Variants in MAST2 observed in about 807,000 individuals in gnomAD.
The protein encoded by MAST2 is microtubule-associated serine/threonine-protein kinase 2.
In MAST2, 70 loss-of-function variants were observed where a neutral mutation model predicts 147.4. The ratio of observed to expected loss-of-function variants is 0.47; its 90% CI spans 0.39 to 0.58. The LOEUF (loss-of-function observed/expected upper bound fraction) is 0.58, where lower values mean the gene tolerates loss of function less well. MAST2 is among the 20% of genes least tolerant of loss of function. The pLI, the probability that MAST2 is intolerant of heterozygous loss-of-function variation, is 0.00. For synonymous variants in MAST2, 869 were observed against 896.8 expected, an observed-to-expected ratio of 0.97 and a Z score of 0.55; for missense variants, 2,080 against 2,302.3, an observed-to-expected ratio of 0.90 and a Z score of 1.98.
At chr1:45,938,600 T>G (rs1441131576) in intron 4 of MAST2, among the ~76,000 whole-genome samples, 9 of 152,260 alleles carry the variant, frequency 5.9e-5, no homozygotes, top group Non-Finnish European at 1.3e-4. Context: ...GTGCCAAGAT[T>G]ACAGGTGTCA....
chr1:45,820,893 C>CTTTTTTTTTTTTTTTTT (rs769508054), intron 1 of MAST2, among the ~76,000 whole-genome samples: 13 of 43,076 alleles, frequency 3.0e-4, no homozygotes, highest in East Asian at 6.7e-4. Flanking sequence ...CTTTCTTTCT[C>CTTTTTTTTTTTTTTTTT]TTTTTTTTTT....
intron 6 of MAST2, chr1:46,000,855 TA>T: frequency 1.3e-6 from 1 of 772,644 alleles, no homozygotes; most frequent in Non-Finnish European, 1.9e-6. Context: ...CACACATTCC[TA>T]AACAGAAGGA....
At chr1:45,838,857 A>T (rs1645184770) in intron 3 of MAST2, among the ~76,000 whole-genome samples, 1 of 152,266 alleles carries the variant, frequency 6.6e-6, no homozygotes, top group Admixed American at 6.5e-5. Flanking sequence ...TAAATTCCAG[A>T]AACCATTTTG....
At chr1:45,938,186 ATGGACATTTATATTGTTTGCAGTT>A (rs1656584920) in intron 4 of MAST2, among the ~76,000 whole-genome samples, 1 of 152,196 alleles carries the variant, frequency 6.6e-6, no homozygotes, top group Non-Finnish European at 1.5e-5. Context: ...TCACCAGTTG[ATGGACATTTATATTGTTTGCAGTT>A]TGGGAGTATC....
chr1:45,901,864 C>T (rs1332923810), intron 4 of MAST2, among the ~76,000 whole-genome samples: 1 of 152,088 alleles, frequency 6.6e-6, no homozygotes, highest in Admixed American at 6.6e-5. Flanking sequence ...TTTATTGGGT[C>T]TAGGAATCAT....
intron 3 of MAST2, among the ~76,000 whole-genome samples, chr1:45,879,519 G>T (rs1169231020): frequency 1.4e-5 from 2 of 144,064 alleles, no homozygotes; most frequent in South Asian, 4.4e-4. Flanking sequence ...GTTGCCGCAC[G>T]CCGAGATTGC....
At chr1:45,813,015 A>G (rs1644349400) in intron 1 of MAST2, among the ~76,000 whole-genome samples, 1 of 152,112 alleles carries the variant, frequency 6.6e-6, no homozygotes. Flanking sequence ...CCCCCTGCAG[A>G]TACCAAACTC....
chr1:45,895,655 G>GT lies in MAST2; in HGVS notation c.500+13267dup, dbSNP rs749792009. Among the ~76,000 whole-genome samples, 5 of 152,012 alleles carry GT rather than the reference G, an allele frequency of 3.3e-5. No homozygotes were observed. In the East Asian group the frequency reaches 5.8e-4, roughly 18 times the overall value. The stretch of plus-strand genomic sequence containing the variant: ...GACTTCCAAAACTGTTTAACAGACA[G>GT]TTTTTTTAAAAAAAGTAAAAACAAA... On this transcript the variant is annotated intron_variant, in intron 4 of 28. Coordinates refer to ENST00000361297, the MANE Select transcript of MAST2 (RefSeq NM_015112.3).
chr1:45,900,282 T>A (rs1414219023), intron 4 of MAST2, among the ~76,000 whole-genome samples: 1 of 151,936 alleles, frequency 6.6e-6, no homozygotes, highest in East Asian at 1.9e-4. Flanking sequence ...CACTATACTA[T>A]TTTCTGTAGG....
At chr1:45,865,270 C>T (rs542458304) in intron 3 of MAST2, 2 of 334,524 alleles carry the variant, frequency 6.0e-6, no homozygotes, top group East Asian at 7.4e-5. Context: ...CTAAGTTCCT[C>T]TTTATTCTTT....
chr1:45,872,907 A>G (rs1288100414), intron 3 of MAST2, among the ~76,000 whole-genome samples: 1 of 152,192 alleles, frequency 6.6e-6, no homozygotes, highest in Non-Finnish European at 1.5e-5. Flanking sequence ...TTCAGAATAT[A>G]GTTTAATATC....
At chr1:45,909,314 CTG>C (rs1274272584) in intron 4 of MAST2, among the ~76,000 whole-genome samples, 3 of 152,100 alleles carry the variant, frequency 2.0e-5, no homozygotes, top group Non-Finnish European at 4.4e-5. Flanking sequence ...TAGGCAGTGA[CTG>C]TTTTATCATT....
intron 4 of MAST2, among the ~76,000 whole-genome samples, chr1:45,940,455 ATAGAAATACATTGACTTTTGTC>A (rs2148794549): frequency 6.6e-6 from 1 of 152,248 alleles, no homozygotes. Flanking sequence ...TTGCTAGAAT[ATAGAAATACATTGACTTTTGTC>A]TATCTGTGTC....
At chr1:45,921,484 CTG>C (rs1184193664) in intron 4 of MAST2, among the ~76,000 whole-genome samples, 1 of 152,178 alleles carries the variant, frequency 6.6e-6, no homozygotes, top group East Asian at 1.9e-4. Flanking sequence ...TCCAAAGAGA[CTG>C]GAGCGGAATA....
intron 5 of MAST2, among the ~76,000 whole-genome samples, chr1:45,963,792 C>A (rs1169236226): frequency 2.6e-5 from 4 of 152,204 alleles, no homozygotes; most frequent in Admixed American, 6.5e-5. Flanking sequence ...GAACTTCCAA[C>A]ACTATGTTGA....
intron 4 of MAST2, among the ~76,000 whole-genome samples, chr1:45,935,484 T>C (rs1234576258): frequency 6.6e-6 from 1 of 152,042 alleles, no homozygotes; most frequent in East Asian, 1.9e-4. Context: ...ATGTCCAGAG[T>C]GGTATATTTT....
At chr1:45,910,229 A>G (rs1169911738) in intron 4 of MAST2, among the ~76,000 whole-genome samples, 1 of 150,988 alleles carries the variant, frequency 6.6e-6, no homozygotes, top group Non-Finnish European at 1.5e-5. Flanking sequence ...CAACGTACTC[A>G]TTTTCAGTGA....
chr1:45,986,387 A>G (rs1449432006), intron 5 of MAST2, among the ~76,000 whole-genome samples: 2 of 152,168 alleles, frequency 1.3e-5, no homozygotes, highest in African/African-American at 2.4e-5. Flanking sequence ...TTACTTGGTC[A>G]TGATGTATTT....
chr1:45,933,689 G>A (rs187338234), intron 4 of MAST2, among the ~76,000 whole-genome samples: 1 of 152,018 alleles, frequency 6.6e-6, no homozygotes, highest in Non-Finnish European at 1.5e-5. Flanking sequence ...GGGAGGCGGA[G>A]GTTGCAGTGA....
Sources: gnomAD v4.1 joint callset for allele counts (sites outside exome capture counted in the v4.1 genomes callset) on GRCh38, gnomAD v4.1.1 for gene constraint, MANE v1.5 for transcripts, NCBI Gene and HGNC (gene_info 2026-07-23, HGNC 2026-07-21) for gene names.